The following TET3 variants were observed in gnomAD, a reference collection of about 807,000 sequenced individuals.
The protein encoded by TET3 is methylcytosine dioxygenase TET3.
In TET3, 19 loss-of-function variants were observed where a neutral mutation model predicts 141.4. That is an observed-to-expected ratio of 0.13 (90% CI 0.09 to 0.20). The LOEUF (loss-of-function observed/expected upper bound fraction) is 0.20. Ranked by LOEUF, TET3 falls within the 10% of genes least tolerant of loss-of-function variation. The pLI is 1.00. For synonymous variants in TET3, 1,043 were observed against 980.9 expected (o/e 1.06, Z -1.18); for missense variants, 1,874 against 2,356.9 (o/e 0.80, Z 4.24).
chr2:74,000,778 C>T (rs112459932), intron 2 of TET3, among the ~76,000 whole-genome samples: 3 of 152,244 alleles, frequency 2.0e-5, no homozygotes, highest in South Asian at 2.1e-4. Flanking sequence ...GTTAACATCG[C>T]GAAGTCCTTC....
chr2:73,984,488 G>T (rs1261983032), upstream of TET3, among the ~76,000 whole-genome samples: 2 of 152,086 alleles, frequency 1.3e-5, no homozygotes, highest in African/African-American at 4.8e-5. The surrounding 1 kb of genome is among the most constrained non-coding windows in gnomAD (Gnocchi z 5.6). Flanking sequence ...CCTCCCGGGG[G>T]CGCCGGGGCT....
chr2:74,017,416 A>G (rs1275680067), intron 3 of TET3, among the ~76,000 whole-genome samples: 1 of 152,210 alleles, frequency 6.6e-6, no homozygotes, highest in Non-Finnish European at 1.5e-5. Flanking sequence ...CCAGCCTCTG[A>G]TAACCACTGT....
At chr2:74,088,726 C>T (rs1690300431) in intron 7 of TET3, among the ~76,000 whole-genome samples, 1 of 152,188 alleles carries the variant, frequency 6.6e-6, no homozygotes, top group East Asian at 1.9e-4. Flanking sequence ...AAAATTCATC[C>T]TCTTAGGTAT....
intron 5 of TET3, among the ~76,000 whole-genome samples, chr2:74,074,958 G>A (rs999653070): frequency 1.1e-4 from 17 of 151,910 alleles, no homozygotes; most frequent in South Asian, 4.1e-4. Flanking sequence ...TGCAAGCTCC[G>A]CCTCCAGGTT....
At chr2:74,128,455 G>A in the TET3 span, among the ~76,000 whole-genome samples, 1 of 152,134 alleles carries the variant, frequency 6.6e-6, no homozygotes, top group African/African-American at 2.4e-5. Context: ...CTGGTTTCAT[G>A]GAGGGGCTAC....
chr2:74,054,714 G>C lies in TET3; in HGVS notation c.2494+6303G>C, dbSNP rs77518132. 2.2e-3 allele frequency among the ~76,000 whole-genome samples: 338 copies of C among 152,328 alleles called. 12 individuals carry two copies. In the East Asian group the frequency reaches 0.06, roughly 27 times the overall value. On this transcript the variant is annotated intron_variant, in intron 4 of 11. Transcript: ENST00000409262. ...AAAAGATGTGGGAAGAAATTGAGGA[G>C]AGGGTATGTTAAAGAACCAATGGAT...
At chr2:74,020,714 C>T (rs1394672642) in intron 3 of TET3, among the ~76,000 whole-genome samples, 1 of 152,170 alleles carries the variant, frequency 6.6e-6, no homozygotes, top group Admixed American at 6.5e-5. Context: ...GGCTTGAGGG[C>T]TATGCCCTTG....
chr2:74,084,844 A>G (rs1032584277), intron 6 of TET3, among the ~76,000 whole-genome samples: 3 of 151,914 alleles, frequency 2.0e-5, no homozygotes, highest in Non-Finnish European at 4.4e-5. Flanking sequence ...GACAGTGGGG[A>G]GAATTGCCTG....
chr2:74,042,078 C>T (rs1687370340), intron 3 of TET3, among the ~76,000 whole-genome samples: 1 of 152,194 alleles, frequency 6.6e-6, no homozygotes, highest in Non-Finnish European at 1.5e-5. Context: ...CTGTGGCAGA[C>T]CACTAAAGAC....
At chr2:74,003,066 C>T in intron 2 of TET3, 44 bp from the exon 3 acceptor site, 8 of 1,550,158 alleles carry the variant, frequency 5.2e-6, no homozygotes, top group Non-Finnish European at 7.0e-6. Context: ...TGCTGCCTTC[C>T]TGGTACCCGC....
chr2:74,126,035 C>T, the TET3 span, among the ~76,000 whole-genome samples: 1 of 152,196 alleles, frequency 6.6e-6, no homozygotes, highest in African/African-American at 2.4e-5. Context: ...CTGGGATTCT[C>T]ACCCTTTTTG....
the TET3 span, among the ~76,000 whole-genome samples, chr2:74,119,511 AC>A: frequency 2.0e-5 from 3 of 152,128 alleles, no homozygotes; most frequent in Non-Finnish European, 4.4e-5. Flanking sequence ...CCTGTTCCTC[AC>A]ACCAGGAGGC....
At chr2:73,993,626 G>A (rs1279100226) in intron 2 of TET3, 1 of 152,178 alleles carries the variant, frequency 6.6e-6, no homozygotes, top group Non-Finnish European at 1.5e-5. Flanking sequence ...AAGCCGGGGA[G>A]ACAAGGACCT....
chr2:74,117,361 G>T, the TET3 span, among the ~76,000 whole-genome samples: 1 of 151,926 alleles, frequency 6.6e-6, no homozygotes, highest in Non-Finnish European at 1.5e-5. Flanking sequence ...ACAGGCATGA[G>T]CCACCATGCC....
Position 74,104,760 on chromosome 2 carries a change from A to G in TET3, c.*2584A>G, listed in dbSNP as rs572658614. ...AGCCATTAGATGAAAGGAGAAACCA[A>G]TACAAGCTAAAAGCATGCGACGTCT... is the stretch of plus-strand genomic sequence containing the variant. On this transcript the variant is annotated 3_prime_UTR_variant, in exon 12 of 12. Coordinates refer to ENST00000409262, the MANE Select transcript of TET3 (RefSeq NM_001287491.2). 1.9e-5 allele frequency: 3 copies of G among 162,104 alleles called. No homozygotes were observed. Among genetic ancestry groups the G allele is most frequent in the South Asian group, 4.0e-4 (2 of 4,944 alleles). 10.0% of individuals were successfully genotyped at this position (162,104 alleles called of 1,614,324 possible). A position where few individuals can be genotyped will look rare whatever the true frequency, so the allele number is the denominator to read the frequency against.
At position 74,104,425 on chromosome 2, in the gene TET3, A is replaced by G. The variant is rs954484798; in HGVS notation, c.*2249A>G. The G allele has an allele frequency of 6.6e-6, 1 of 152,240 alleles. No individual in the cohort carries two copies. Among genetic ancestry groups the G allele is most frequent in the African/African-American group, 2.4e-5 (1 of 41,464 alleles). The allele number at this position is 152,240 out of a possible 1,614,324, so 9.4% of individuals were successfully genotyped here. A position where few individuals can be genotyped will look rare whatever the true frequency, so the allele number is the denominator to read the frequency against. The stretch of plus-strand genomic sequence containing the variant: ...GCATGCTAATTTTCTAGTTTTGAGG[A>G]AAAATTGGGTCCTTTAAATGCTATT... On this transcript the variant is annotated 3_prime_UTR_variant, in exon 12 of 12. Coordinates refer to ENST00000409262, the MANE Select transcript of TET3 (RefSeq NM_001287491.2).
At chr2:74,063,746 T>C (rs1212478606) in intron 4 of TET3, among the ~76,000 whole-genome samples, 1 of 152,068 alleles carries the variant, frequency 6.6e-6, no homozygotes, top group Non-Finnish European at 1.5e-5. Context: ...ACATACCATA[T>C]TGTGCAGTTA....
intron 3 of TET3, among the ~76,000 whole-genome samples, chr2:74,032,498 TG>T (rs1686799327): frequency 7.3e-5 from 5 of 68,494 alleles, no homozygotes; most frequent in South Asian, 3.1e-4. Flanking sequence ...TGTGTGTGTG[TG>T]TGTGTGTGTT....
At chr2:74,130,468 G>A in the TET3 span, 2 of 152,276 alleles carry the variant, frequency 1.3e-5, no homozygotes, top group African/African-American at 4.8e-5. Context: ...GCAAGAGTGC[G>A]CGCTCTGCGG....
Sources: gnomAD v4.1 joint callset for allele counts (sites outside exome capture counted in the v4.1 genomes callset) on GRCh38, gnomAD v4.1.1 for gene constraint, Gnocchi (gnomAD v3.1) non-coding constraint, MANE v1.5 for transcripts, NCBI Gene and HGNC (gene_info 2026-07-23, HGNC 2026-07-21) for gene names.